ITSN1: variants seen among roughly 807,000 people sequenced by gnomAD.
ITSN1 encodes intersectin 1.
ITSN1 carries 58 observed loss-of-function variants against 239.8 expected under a neutral mutation model. The observed-to-expected ratio is 0.24, with a 90% CI of 0.20 to 0.30. The LOEUF (loss-of-function observed/expected upper bound fraction) is 0.30, where lower values mean the gene tolerates loss of function less well. ITSN1 is among the 10% of genes least tolerant of loss of function. ITSN1 has a pLI of 1.00. For missense variants in ITSN1, 1,558 were observed against 2,103.3 expected, an observed-to-expected ratio of 0.74 and a Z score of 5.07; for synonymous variants, 780 against 770.8, an observed-to-expected ratio of 1.01 and a Z score of -0.20.
At chr21:33,862,302 A>AT (rs996484006) in intron 31 of ITSN1, among the ~76,000 whole-genome samples, 8 of 151,922 alleles carry the variant, frequency 5.3e-5, no homozygotes, top group Admixed American at 5.2e-4. Context: ...GAAAAAAAAA[A>AT]TAAGAGCTTG....
At chr21:33,661,217 TG>T (rs1250977885) in intron 1 of ITSN1, among the ~76,000 whole-genome samples, 2 of 144,288 alleles carry the variant, frequency 1.4e-5, no homozygotes, top group African/African-American at 5.4e-5. Flanking sequence ...GTTGTTGTTT[TG>T]CCAAATAAAA....
At chr21:33,829,799 A>C (rs1260704491) in intron 27 of ITSN1, 54 bp downstream of exon 27, 1 of 1,599,548 alleles carries the variant, frequency 6.3e-7, no homozygotes, top group Non-Finnish European at 8.6e-7. Context: ...CAATACACAA[A>C]ATCTCAAAGG....
chr21:33,647,046 A>C (rs2088022829), intron 1 of ITSN1, among the ~76,000 whole-genome samples: 1 of 152,130 alleles, frequency 6.6e-6, no homozygotes, highest in Non-Finnish European at 1.5e-5. Flanking sequence ...TAATTTTTTT[A>C]ATTGAATGAC....
Position 33,882,143 on chromosome 21 carries a change from C to A in ITSN1, c.4342-100C>A. On this transcript the variant is annotated intron_variant, in intron 34 of 39. Coordinates refer to ENST00000381318, the MANE Select transcript of ITSN1 (RefSeq NM_003024.3). This position sits in a 1 kb window ranked among gnomAD's most constrained non-coding sequence, Gnocchi z 4.5. ...CTATCCTTGACTTTTGCCTGAGATCCGAGTCTGCTGGGGCCTGGCCTCTGA... is the reference window on the plus strand; with the variant it reads ...CTATCCTTGACTTTTGCCTGAGATCAGAGTCTGCTGGGGCCTGGCCTCTGA... 3.0e-6 allele frequency: 3 copies of A among 1,001,744 alleles called. No homozygotes were observed. The highest frequency in any genetic ancestry group is 4.4e-6 in the Non-Finnish European group (3 of 682,402). 62.1% of individuals were successfully genotyped at this position (1,001,744 alleles called of 1,614,324 possible). A position where few individuals can be genotyped will look rare whatever the true frequency, so the allele number is the denominator to read the frequency against.
intron 8 of ITSN1, among the ~76,000 whole-genome samples, chr21:33,757,635 G>A (rs1479990684): frequency 1.3e-5 from 2 of 151,974 alleles, no homozygotes; most frequent in East Asian, 3.8e-4. Flanking sequence ...GATTTGTTGA[G>A]GTGGATGGAA....
intron 5 of ITSN1, among the ~76,000 whole-genome samples, chr21:33,746,361 C>T (rs1161598624): frequency 6.6e-6 from 1 of 152,162 alleles, no homozygotes; most frequent in African/African-American, 2.4e-5. Context: ...TAGGAACTAT[C>T]TCTGATCCAG....
chr21:33,712,654 T>C (rs988750089), intron 1 of ITSN1, among the ~76,000 whole-genome samples: 3 of 152,198 alleles, frequency 2.0e-5, no homozygotes, highest in Non-Finnish European at 4.4e-5. Context: ...GCACCTGTGC[T>C]TCACTGCATA....
At chr21:33,686,264 T>G (rs570454639) in intron 1 of ITSN1, among the ~76,000 whole-genome samples, 2 of 152,174 alleles carry the variant, frequency 1.3e-5, no homozygotes. Context: ...TCCAAATGTA[T>G]TTAAGCTTCT....
intron 27 of ITSN1, among the ~76,000 whole-genome samples, chr21:33,831,497 G>A (rs534247092): frequency 3.7e-4 from 56 of 152,316 alleles, no homozygotes; most frequent in South Asian, 1.0e-3. Context: ...ATGGAACTAC[G>A]TAAGTTTGAG....
chr21:33,865,181 G>A lies in ITSN1; in HGVS notation c.3921G>A (p.Gly1307=), dbSNP rs1250794844. 1 of 1,613,912 alleles carries A rather than the reference G, an allele frequency of 6.2e-7. No homozygotes were observed. The highest frequency in any genetic ancestry group is 1.7e-5 in the Admixed American group (1 of 59,998). The change falls in exon 32 of 40, where the codon GGG becomes GGA. Residue 1307 remains glycine, a synonymous_variant. Coordinates refer to ENST00000381318, the MANE Select transcript of ITSN1 (RefSeq NM_003024.3). The surrounding 1 kb of genome is among the most constrained non-coding windows in gnomAD (Gnocchi z 4.4). ...TGAGAGTCCGCAAGAAGATGTCCGG[G>A]GAGAAGATGCCTGTGAAGATGATTG... The part of the protein sequence containing the change: ...KALRVRKKMS[G]EKMPVKMIGD...
chr21:33,798,171 A>C (rs9974104), intron 18 of ITSN1, among the ~76,000 whole-genome samples: 39,495 of 151,920 alleles, frequency 0.26, 6,015 homozygotes, highest in East Asian at 0.69. Context: ...ACTCATAGTT[A>C]AATGCAGCTT....
rs375634648 is a variant in ITSN1, at chr21:33,893,965, A to G, written c.*5665A>G. On this transcript the variant is annotated 3_prime_UTR_variant, in exon 40 of 40. Coordinates refer to ENST00000381318, the MANE Select transcript of ITSN1 (RefSeq NM_003024.3). ...TAAAACCCAGACACCAAGACACACT[A>G]GACAGTCCATCTCTGGGTTGTGATC... 1 of 152,148 alleles carries G rather than the reference A, an allele frequency of 6.6e-6. No homozygotes were observed. The highest frequency in any genetic ancestry group is 2.4e-5 in the African/African-American group (1 of 41,402). The allele number at this position is 152,148 out of a possible 1,614,324, so 9.4% of individuals were successfully genotyped here. A position where few individuals can be genotyped will look rare whatever the true frequency, so the allele number is the denominator to read the frequency against.
intron 10 of ITSN1, 141 bp from the exon 11 acceptor site, chr21:33,767,572 C>A: frequency 8.9e-6 from 4 of 449,632 alleles, no homozygotes; most frequent in South Asian, 4.4e-5. Context: ...TAGAGAAGAC[C>A]AAATCTTTAT....
chr21:33,797,380 C>T lies in ITSN1; in HGVS notation c.1954C>T (p.Arg652Ter). Residue 652 changes from arginine (R) to a stop codon, truncating the protein, a stop_gained and splice_region_variant, in exon 18 of 40, where the codon CGA becomes TGA. Coordinates refer to ENST00000381318, the MANE Select transcript of ITSN1 (RefSeq NM_003024.3). LOFTEE classifies it high-confidence loss of function. This position sits in a 1 kb window ranked among gnomAD's most constrained non-coding sequence, Gnocchi z 4.9. ...GTAATCAAGCGTGTTTGTTGGCAGA[C>T]GAGCTCAGGAAAGGGACAAGCAGTG... ...LEKQKEEAQR[R>*]AQERDKQWLE... The T allele has an allele frequency of 1.2e-6, 2 of 1,613,304 alleles. No individual in the cohort carries two copies. The highest frequency in any genetic ancestry group is 1.7e-6 in the Non-Finnish European group (2 of 1,179,600).
At position 33,680,863 on chromosome 21, in the gene ITSN1, G is replaced by A. The variant is rs116340800; in HGVS notation, c.-32-37934G>A. Among the ~76,000 whole-genome samples the A allele has an allele frequency of 9.5e-3, 1,440 of 152,312 alleles. 29 individuals are homozygous for A. The highest frequency in any genetic ancestry group is 0.034 in the African/African-American group (1,394 of 41,548). On this transcript the variant is annotated intron_variant, in intron 1 of 39. Transcript: ENST00000381318. ...GATTACTTATTTGTATCCCTTGCTC[G>A]TAGGTTATTTAATATTCTCTGTTGT... is the stretch of plus-strand genomic sequence containing the variant.
intron 34 of ITSN1, among the ~76,000 whole-genome samples, chr21:33,876,586 A>G (rs1983958726): frequency 6.6e-6 from 1 of 152,088 alleles, no homozygotes. Flanking sequence ...CTTCTTATTT[A>G]TTTCTTAACA....
chr21:33,784,192 G>C (rs576968112), intron 16 of ITSN1, among the ~76,000 whole-genome samples: 1 of 152,178 alleles, frequency 6.6e-6, no homozygotes, highest in African/African-American at 2.4e-5. Context: ...TCACAGGTCA[G>C]GTCGGGTGTG....
chr21:33,881,309 A>G (rs1010407123), intron 34 of ITSN1, among the ~76,000 whole-genome samples: 3 of 150,772 alleles, frequency 2.0e-5, no homozygotes, highest in African/African-American at 7.3e-5. Context: ...CGGGAGGCTG[A>G]GGCAGGAGAA....
intron 1 of ITSN1, among the ~76,000 whole-genome samples, chr21:33,663,221 C>CT (rs1266754575): frequency 1.3e-5 from 2 of 152,220 alleles, no homozygotes; most frequent in African/African-American, 4.8e-5. Context: ...CCTGTAATTA[C>CT]TGCTCAGAAA....
Sources: gnomAD v4.1 joint callset for allele counts (sites outside exome capture counted in the v4.1 genomes callset) on GRCh38, gnomAD v4.1.1 for gene constraint, Gnocchi (gnomAD v3.1) non-coding constraint, MANE v1.5 for transcripts, NCBI Gene and HGNC (gene_info 2026-07-23, HGNC 2026-07-21) for gene names.